The following SORCS2 variants were observed in gnomAD, a reference collection of about 807,000 sequenced individuals.
The protein encoded by SORCS2 is sortilin related VPS10 domain containing receptor 2.
In SORCS2, 100 loss-of-function variants were observed where a neutral mutation model predicts 141.6. That is an observed-to-expected ratio of 0.71 (90% CI 0.60 to 0.83). SORCS2 has a LOEUF of 0.83. Ranked by LOEUF, SORCS2 falls within the 40% of genes least tolerant of loss-of-function variation. The pLI, the probability that SORCS2 is intolerant of heterozygous loss-of-function variation, is 0.00. For missense variants in SORCS2, 1,646 were observed against 1,560.2 expected, an observed-to-expected ratio of 1.05 and a Z score of -0.93; for synonymous variants, 789 against 676.9, an observed-to-expected ratio of 1.17 and a Z score of -2.57.
At chr4:7,622,097 A>G (rs536500995) in intron 3 of SORCS2, among the ~76,000 whole-genome samples, 2 of 152,284 alleles carry the variant, frequency 1.3e-5, no homozygotes, top group East Asian at 3.9e-4. Context: ...GAATTGCCAC[A>G]GAGTAGCCAC....
chr4:7,439,504 A>G (rs970941873), intron 2 of SORCS2, among the ~76,000 whole-genome samples: 1 of 152,144 alleles, frequency 6.6e-6, no homozygotes, highest in Non-Finnish European at 1.5e-5. Context: ...ACACATCTTC[A>G]CACACCTGCA....
At chr4:7,691,273 C>T (rs1400479850) in intron 11 of SORCS2, among the ~76,000 whole-genome samples, 1 of 152,236 alleles carries the variant, frequency 6.6e-6, no homozygotes, top group Non-Finnish European at 1.5e-5. Context: ...GGGCCTGGCC[C>T]AGGGTGGGCC....
intron 3 of SORCS2, among the ~76,000 whole-genome samples, chr4:7,561,932 C>T (rs1353846046): frequency 6.6e-6 from 1 of 152,156 alleles, no homozygotes; most frequent in African/African-American, 2.4e-5. Context: ...CCTATCCATC[C>T]ATCTATCCAT....
chr4:7,343,656 C>T (rs1190422923), intron 1 of SORCS2, among the ~76,000 whole-genome samples: 1 of 152,216 alleles, frequency 6.6e-6, no homozygotes, highest in Non-Finnish European at 1.5e-5. Flanking sequence ...GTGACCCTGC[C>T]TGCCTCAGTT....
In SORCS2 at chr4:7,201,289, A is replaced by T. The variant is rs560162136; in HGVS notation, c.480+8163A>T. On this transcript the variant is annotated intron_variant, in intron 1 of 26. Transcript: ENST00000507866. This position sits in a 1 kb window ranked among gnomAD's most constrained non-coding sequence, Gnocchi z 4.4. ...GGAGAGACTCGTGCGTTGATCAAGA[A>T]GCCTGGCTCGAAGTCATAGAGACAG... Among the ~76,000 whole-genome samples the T allele has an allele frequency of 7.9e-5, 12 of 152,348 alleles. No homozygotes were observed. The highest frequency in any genetic ancestry group is 2.9e-4 in the African/African-American group (12 of 41,590).
At chr4:7,346,236 T>C (rs147204622) in intron 1 of SORCS2, among the ~76,000 whole-genome samples, 1 of 152,232 alleles carries the variant, frequency 6.6e-6, no homozygotes, top group Non-Finnish European at 1.5e-5. Flanking sequence ...TTATGATATG[T>C]TGTGCTTCAG....
intron 1 of SORCS2, among the ~76,000 whole-genome samples, chr4:7,324,756 T>C (rs1044779363): frequency 3.3e-5 from 5 of 151,968 alleles, no homozygotes; most frequent in East Asian, 1.9e-4. Flanking sequence ...AGACGGAAAG[T>C]GTGGGTGTGA....
intron 3 of SORCS2, among the ~76,000 whole-genome samples, chr4:7,545,790 A>G (rs1231234071): frequency 6.6e-6 from 1 of 152,222 alleles, no homozygotes; most frequent in Non-Finnish European, 1.5e-5. Context: ...TCTTCAGGGA[A>G]AACCAGAGTG....
At chr4:7,551,585 A>G (rs961505875) in intron 3 of SORCS2, among the ~76,000 whole-genome samples, 1 of 152,172 alleles carries the variant, frequency 6.6e-6, no homozygotes, top group African/African-American at 2.4e-5. Context: ...CAAAGAGCCC[A>G]CTGGAGTAGG....
intron 4 of SORCS2, among the ~76,000 whole-genome samples, chr4:7,641,491 A>T (rs12651068): frequency 0.74 from 112,007 of 152,114 alleles, 44,031 homozygotes; most frequent in East Asian, 1. Flanking sequence ...TGGGGATTAC[A>T]ATTTGAGATG....
At chr4:7,504,700 C>A (rs943162024) in intron 2 of SORCS2, among the ~76,000 whole-genome samples, 1 of 152,212 alleles carries the variant, frequency 6.6e-6, no homozygotes, top group Non-Finnish European at 1.5e-5. Flanking sequence ...GTCGCTATCA[C>A]GAGTAGTAAG....
intron 1 of SORCS2, among the ~76,000 whole-genome samples, chr4:7,359,616 C>T (rs60443692): frequency 0.012 from 1,791 of 152,288 alleles, 71 homozygotes; most frequent in East Asian, 0.11. Context: ...CCCAAGATCC[C>T]GGCAGCTGGC....
At chr4:7,222,474 C>A (rs1577293323) in intron 1 of SORCS2, among the ~76,000 whole-genome samples, 1 of 152,086 alleles carries the variant, frequency 6.6e-6, no homozygotes, top group African/African-American at 2.4e-5. Context: ...TTGCTTGGGA[C>A]TGGCAGAGAG....
chr4:7,422,030 T>C (rs2109192543), intron 2 of SORCS2, among the ~76,000 whole-genome samples: 1 of 152,276 alleles, frequency 6.6e-6, no homozygotes, highest in East Asian at 1.9e-4. Context: ...ACCACACCGG[T>C]GCAGTCCAGC....
At chr4:7,497,314 G>A (rs1358422536) in intron 2 of SORCS2, among the ~76,000 whole-genome samples, 1 of 152,364 alleles carries the variant, frequency 6.6e-6, no homozygotes, top group South Asian at 2.1e-4. Context: ...GCAGCACAGC[G>A]TGGCAGGGTT....
chr4:7,235,659 T>C (rs763865697), intron 1 of SORCS2, among the ~76,000 whole-genome samples: 9 of 152,218 alleles, frequency 5.9e-5, no homozygotes, highest in Non-Finnish European at 8.8e-5. Flanking sequence ...TGGGGCCCAT[T>C]CTGGCTGTTT....
At chr4:7,196,553 G>C (rs1382632018) in intron 1 of SORCS2, among the ~76,000 whole-genome samples, 3 of 152,042 alleles carry the variant, frequency 2.0e-5, no homozygotes, top group Non-Finnish European at 4.4e-5. Context: ...CCTGCAGCCT[G>C]GTCCAGTTTG....
chr4:7,702,146 C>G (rs997928568), intron 12 of SORCS2, among the ~76,000 whole-genome samples: 10 of 152,190 alleles, frequency 6.6e-5, no homozygotes, highest in African/African-American at 2.4e-4. Flanking sequence ...CGTGCTGGCC[C>G]TAGTGGGGTC....
At chr4:7,378,036 GT>G (rs751098953) in intron 1 of SORCS2, among the ~76,000 whole-genome samples, 2 of 152,104 alleles carry the variant, frequency 1.3e-5, no homozygotes, top group African/African-American at 2.4e-5. Flanking sequence ...AGGATATATG[GT>G]TTTTTTCTTC....
Sources: gnomAD v4.1 joint callset for allele counts (sites outside exome capture counted in the v4.1 genomes callset) on GRCh38, gnomAD v4.1.1 for gene constraint, Gnocchi (gnomAD v3.1) non-coding constraint, MANE v1.5 for transcripts, NCBI Gene and HGNC (gene_info 2026-07-23, HGNC 2026-07-21) for gene names.